GALNTL6: variants seen among roughly 807,000 people sequenced by gnomAD.
GALNTL6 encodes the protein polypeptide N-acetylgalactosaminyltransferase-like 6.
In GALNTL6, 46 loss-of-function variants were observed where a neutral mutation model predicts 73.7. The ratio of observed to expected loss-of-function variants is 0.62; its 90% CI spans 0.49 to 0.80. GALNTL6 has a LOEUF of 0.80. Ranked by LOEUF, GALNTL6 falls within the 30% of genes least tolerant of loss-of-function variation. The pLI is 0.00. For missense variants in GALNTL6, 604 were observed against 755.0 expected (o/e 0.80, Z 2.34); for synonymous variants, 259 against 263.7 (o/e 0.98, Z 0.17).
intron 5 of GALNTL6, among the ~76,000 whole-genome samples, chr4:172,409,409 T>C (rs1744354065): frequency 6.6e-6 from 1 of 152,018 alleles, no homozygotes; most frequent in South Asian, 2.1e-4. Context: ...AAATATCTAA[T>C]TTTTTGTAAT....
chr4:172,960,501 G>A (rs185672951), intron 10 of GALNTL6, among the ~76,000 whole-genome samples: 27 of 152,158 alleles, frequency 1.8e-4, no homozygotes, highest in Non-Finnish European at 3.1e-4. Context: ...AGATGGGTCT[G>A]TAGAAAAGGA....
At chr4:172,594,481 A>T (rs1157335002) in intron 5 of GALNTL6, among the ~76,000 whole-genome samples, 2 of 152,172 alleles carry the variant, frequency 1.3e-5, no homozygotes, top group African/African-American at 2.4e-5. Flanking sequence ...TATTTCCATA[A>T]AGTATGGAAA....
chr4:172,976,094 C>A (rs1047679632), intron 10 of GALNTL6, among the ~76,000 whole-genome samples: 1 of 152,138 alleles, frequency 6.6e-6, no homozygotes. Context: ...ACACCTCCCC[C>A]GCTGTAGCTA....
chr4:172,184,998 A>G (rs1456292034), intron 2 of GALNTL6, among the ~76,000 whole-genome samples: 1 of 152,180 alleles, frequency 6.6e-6, no homozygotes, highest in South Asian at 2.1e-4. Context: ...TTTCCAATAC[A>G]TACAGTTGGG....
chr4:172,481,709 G>A lies in GALNTL6; in HGVS notation c.553+133020G>A, dbSNP rs567267889. On this transcript the variant is annotated intron_variant, in intron 5 of 12. Transcript: ENST00000506823. ...TTAGCTAGAGGCAGAGCACTGATTG[G>A]TGCATCCACGAACCCTGAGCTAGAC... Among the ~76,000 whole-genome samples the A allele has an allele frequency of 1.8e-4, 28 of 152,236 alleles. No homozygotes were observed. In the South Asian group the frequency reaches 5.6e-3, roughly 30 times the overall value.
At chr4:172,422,069 G>T (rs567534154) in intron 5 of GALNTL6, among the ~76,000 whole-genome samples, 1 of 152,112 alleles carries the variant, frequency 6.6e-6, no homozygotes, top group Non-Finnish European at 1.5e-5. Context: ...CCTATACTTT[G>T]CAATTCCTTA....
In GALNTL6 at chr4:173,010,599, GT is replaced by G. The variant is rs1177773398; in HGVS notation, c.1488+1309del. Among the ~76,000 whole-genome samples the G allele has an allele frequency of 2.0e-5, 3 of 151,026 alleles. No individual in the cohort carries two copies. The East Asian group carries it at 5.8e-4, about 29-fold the overall frequency. On this transcript the variant is annotated intron_variant, in intron 11 of 12. Transcript: ENST00000506823. The stretch of plus-strand genomic sequence containing the variant: ...TTTTTTTTGTTGTTTTTTTTGTTTT[GT>G]TTTGTTTTGTTTTTAAACGGAGTCT...
In GALNTL6 at chr4:171,814,475, TCA is replaced by T; in HGVS notation, c.-105_-104del. The T allele has an allele frequency of 8.0e-7, 1 of 1,244,702 alleles. No homozygotes were observed. The highest frequency in any genetic ancestry group is 2.4e-5 in the East Asian group (1 of 41,882). 77.1% of individuals were successfully genotyped at this position (1,244,702 alleles called of 1,614,324 possible). A position where few individuals can be genotyped will look rare whatever the true frequency, so the allele number is the denominator to read the frequency against. On this transcript the variant is annotated 5_prime_UTR_variant, in exon 2 of 13. Coordinates refer to ENST00000506823, the MANE Select transcript of GALNTL6 (RefSeq NM_001034845.3). ...GCACGCAACAAAAGTTTGTAGCTTC[TCA>T]GTTTCTGGTGCTTCGCAGGGGAGAG...
chr4:172,348,645 G>A lies in GALNTL6; in HGVS notation c.509G>A (p.Ser170Asn). The A allele has an allele frequency of 6.2e-7, 1 of 1,611,624 alleles. No individual in the cohort carries two copies. Among genetic ancestry groups the A allele is most frequent in the Non-Finnish European group, 8.5e-7 (1 of 1,178,610 alleles). ...IHSIINRTPG[S>N]LIAEIILVDD... ...AGTATAATTAACCGAACCCCAGGGA[G>A]TCTGATAGCAGAAATCATTCTAGTA... Residue 170 changes from serine (S) to asparagine (N), a missense_variant, in exon 5 of 13, where the codon AGT becomes AAT. Coordinates refer to ENST00000506823, the MANE Select transcript of GALNTL6 (RefSeq NM_001034845.3).
chr4:172,597,475 T>C (rs189276678), intron 5 of GALNTL6, among the ~76,000 whole-genome samples: 1 of 152,232 alleles, frequency 6.6e-6, no homozygotes, highest in Non-Finnish European at 1.5e-5. Context: ...TTTTGTGTCA[T>C]TAAATAATAG....
intron 5 of GALNTL6, among the ~76,000 whole-genome samples, chr4:172,484,687 A>G (rs1230971577): frequency 2.0e-5 from 3 of 152,218 alleles, no homozygotes; most frequent in Non-Finnish European, 4.4e-5. Context: ...AAATGTTTCT[A>G]GTAGAGACTT....
chr4:172,517,389 C>T (rs887438429), intron 5 of GALNTL6, among the ~76,000 whole-genome samples: 1 of 152,014 alleles, frequency 6.6e-6, no homozygotes, highest in Admixed American at 6.6e-5. Flanking sequence ...ATTTTAATCT[C>T]TTAGGAATGA....
chr4:172,441,536 T>C (rs1731838812), intron 5 of GALNTL6, among the ~76,000 whole-genome samples: 1 of 152,142 alleles, frequency 6.6e-6, no homozygotes, highest in African/African-American at 2.4e-5. Flanking sequence ...ATGTGGTTTA[T>C]TTACTACCAC....
intron 5 of GALNTL6, among the ~76,000 whole-genome samples, chr4:172,360,794 G>A (rs536406425): frequency 5.9e-5 from 9 of 152,278 alleles, no homozygotes; most frequent in Admixed American, 5.2e-4. Flanking sequence ...GTATGTAGAA[G>A]TTGAAAGAGA....
At chr4:172,188,784 A>C (rs1479098555) in intron 2 of GALNTL6, among the ~76,000 whole-genome samples, 1 of 152,172 alleles carries the variant, frequency 6.6e-6, no homozygotes, top group Non-Finnish European at 1.5e-5. Context: ...GAGCAGCAGC[A>C]GGAAGCTCTG....
At chr4:172,749,484 T>C (rs1737304208) in intron 5 of GALNTL6, among the ~76,000 whole-genome samples, 1 of 152,284 alleles carries the variant, frequency 6.6e-6, no homozygotes, top group Admixed American at 6.5e-5. Flanking sequence ...TACTAAGTTT[T>C]TATATGAGAA....
At chr4:172,702,563 T>C (rs908175878) in intron 5 of GALNTL6, among the ~76,000 whole-genome samples, 2 of 151,868 alleles carry the variant, frequency 1.3e-5, no homozygotes, top group African/African-American at 4.8e-5. Context: ...GCGGGACCTT[T>C]GGGAAGGTGA....
intron 3 of GALNTL6, among the ~76,000 whole-genome samples, chr4:172,288,538 T>C (rs1739349840): frequency 1.3e-5 from 2 of 152,148 alleles, no homozygotes; most frequent in Admixed American, 1.3e-4. Context: ...ATGGAATAAT[T>C]ATTTAATTAG....
At chr4:171,996,815 G>C (rs1209835932) in intron 2 of GALNTL6, among the ~76,000 whole-genome samples, 2 of 151,262 alleles carry the variant, frequency 1.3e-5, no homozygotes, top group African/African-American at 4.9e-5. Context: ...ATCGCATGCA[G>C]CCCATGGGCC....
Sources: allele counts gnomAD v4.1 joint callset (sites outside exome capture counted in the v4.1 genomes callset), GRCh38; gene constraint gnomAD v4.1.1; transcripts MANE v1.5; gene names NCBI Gene and HGNC (gene_info 2026-07-23, HGNC 2026-07-21).